The following DYNC2I1 variants were observed in gnomAD, a reference collection of about 807,000 sequenced individuals.
The protein encoded by DYNC2I1 is dynein 2 intermediate chain 1.
DYNC2I1 carries 89 observed loss-of-function variants against 133.4 expected under a neutral mutation model. The ratio of observed to expected loss-of-function variants is 0.67; its 90% CI spans 0.56 to 0.80. The LOEUF is 0.80. Among genes scored for constraint, DYNC2I1 ranks in the 30% least tolerant of loss-of-function variants. The pLI is 0.00. For missense variants in DYNC2I1, 1,291 were observed against 1,314.5 expected (o/e 0.98, Z 0.28); for synonymous variants, 504 against 484.3 (o/e 1.04, Z -0.54).
In DYNC2I1 at chr7:158,884,555, G is replaced by C. The variant is rs1844406872; in HGVS notation, c.880-9G>C. 6.2e-7 allele frequency: 1 copy of C among 1,608,756 alleles called. No homozygotes were observed. The highest frequency in any genetic ancestry group is 8.5e-7 in the Non-Finnish European group (1 of 1,177,606). On this transcript the variant is annotated splice_polypyrimidine_tract_variant and intron_variant, in intron 5 of 24. Transcript: ENST00000407559. ...TAAATGGTTATGGGATTATATTTTT[G>C]TTTGATAGAATGGTGAACACAGAAA...
chr7:158,941,808 G>A (rs1314213910), intron 23 of DYNC2I1, 117 bp from the exon 24 acceptor site: 2 of 1,219,908 alleles, frequency 1.6e-6, no homozygotes, highest in African/African-American at 1.5e-5. Context: ...AGCCCGGGAG[G>A]TCAAGCTGCC....
chr7:158,936,189 TCAAAA>T (rs1850729064), intron 23 of DYNC2I1, among the ~76,000 whole-genome samples: 1 of 152,174 alleles, frequency 6.6e-6, no homozygotes, highest in Non-Finnish European at 1.5e-5. Flanking sequence ...AAACTCCGTC[TCAAAA>T]CAAAAACAAA....
At chr7:158,854,414 C>T (rs1201213071), upstream of DYNC2I1, among the ~76,000 whole-genome samples, 1 of 151,320 alleles carries the variant, frequency 6.6e-6, no homozygotes, top group African/African-American at 2.4e-5. Context: ...GAAAACCAAA[C>T]ACCGCATGTT....
rs1585049984 is a variant in DYNC2I1 at position 158,890,421 on chromosome 7, G to A, written c.991-844G>A. Reference sequence around the variant, plus strand: ...CTTGTTTTGGCTCTGATTAGATCCTGATTTTACAGCAGCAACACTGAATTT... The same window carrying A: ...CTTGTTTTGGCTCTGATTAGATCCTAATTTTACAGCAGCAACACTGAATTT... On this transcript the variant is annotated intron_variant, in intron 7 of 24. Transcript: ENST00000407559. 2.0e-5 allele frequency among the ~76,000 whole-genome samples: 3 copies of A among 151,974 alleles called. No homozygotes were observed. The South Asian group carries it at 6.2e-4, about 31-fold the overall frequency.
chr7:158,845,597 C>T, the DYNC2I1 span, among the ~76,000 whole-genome samples: 2 of 152,148 alleles, frequency 1.3e-5, no homozygotes, highest in Non-Finnish European at 2.9e-5. Context: ...TTAATGAAAA[C>T]AGCTAAATCT....
chr7:158,879,766 G>A lies in DYNC2I1; in HGVS notation c.656G>A (p.Arg219Lys). 2 of 1,611,098 alleles carry A rather than the reference G, an allele frequency of 1.2e-6. No homozygotes were observed. Among genetic ancestry groups the A allele is most frequent in the South Asian group, 2.2e-5 (2 of 90,960 alleles). The change falls in exon 5 of 25, where the codon AGA becomes AAA. Residue 219 changes from arginine to lysine, a missense_variant. Arg to Lys is a conservative substitution (Grantham distance 26). Coordinates refer to ENST00000407559, the MANE Select transcript of DYNC2I1 (RefSeq NM_018051.5). ...EEGERRHRKP[R>K]EPDRDNKHRE... Reference sequence around the variant, plus strand: ...GGCGAGAGGAGACACAGGAAGCCCAGAGAGCCAGATCGAGACAACAAACAC... The same window carrying A: ...GGCGAGAGGAGACACAGGAAGCCCAAAGAGCCAGATCGAGACAACAAACAC...
intron 8 of DYNC2I1, among the ~76,000 whole-genome samples, chr7:158,894,132 A>ATACCGCATATCCTGCCGCATATCC (rs1845536664): frequency 6.6e-6 from 1 of 150,954 alleles, no homozygotes; most frequent in Non-Finnish European, 1.5e-5. Flanking sequence ...ACCGCATATC[A>ATACCGCATATCCTGCCGCATATCC]TACCGCATAT....
rs765181888 is a variant in DYNC2I1 at position 158,902,441 on chromosome 7, A to C, written c.1203A>C (p.Ser401=). ...ATGAAAGCAGTAATGAACCTGAGTC[A>C]AGAGAAAAACTGGAAGAACTTCCTC... ...DDDESSNEPE[S]REKLEELPLA... Residue 401 remains serine, a synonymous_variant, in exon 10 of 25, where the codon TCA becomes TCC. Coordinates refer to ENST00000407559, the MANE Select transcript of DYNC2I1 (RefSeq NM_018051.5). The C allele has an allele frequency of 7.4e-6, 12 of 1,613,834 alleles. No homozygotes were observed. Among genetic ancestry groups the C allele is most frequent in the Non-Finnish European group, 9.3e-6 (11 of 1,179,900 alleles).
At chr7:158,881,991 A>C (rs1043968128) in intron 5 of DYNC2I1, among the ~76,000 whole-genome samples, 1 of 152,232 alleles carries the variant, frequency 6.6e-6, no homozygotes, top group African/African-American at 2.4e-5. Context: ...TTCCACCCAG[A>C]AATGCCTTTC....
rs145524856 is a variant in DYNC2I1, at chr7:158,918,856, A to C, written c.1908A>C (p.Leu636=). The C allele has an allele frequency of 6.2e-7, 1 of 1,612,968 alleles. No individual in the cohort carries two copies. Among genetic ancestry groups the C allele is most frequent in the East Asian group, 2.2e-5 (1 of 44,856 alleles). ...SDSSSQLNTS[L]PFLQNRKVSS... ...GCTCATCTCAGCTGAACACCAGTCT[A>C]CCATTCCTTCAAAGTAAGAGGCTGT... Residue 636 remains leucine, a synonymous_variant, in exon 15 of 25, where the codon CTA becomes CTC. Transcript: ENST00000407559.
At chr7:158,886,171 G>T (rs369198085) in intron 6 of DYNC2I1, among the ~76,000 whole-genome samples, 1 of 151,524 alleles carries the variant, frequency 6.6e-6, no homozygotes, top group Non-Finnish European at 1.5e-5. Context: ...TTGCTCTGTC[G>T]CCAGGCTGAA....
At chr7:158,856,216 G>A (rs1398116220), upstream of DYNC2I1, among the ~76,000 whole-genome samples, 1 of 152,070 alleles carries the variant, frequency 6.6e-6, no homozygotes, top group African/African-American at 2.4e-5. Flanking sequence ...AAAGTGCTGG[G>A]ATTACAGGGG....
downstream of DYNC2I1, among the ~76,000 whole-genome samples, chr7:158,949,052 C>T (rs1382613618): frequency 1.3e-5 from 2 of 152,110 alleles, no homozygotes; most frequent in Admixed American, 1.3e-4. Context: ...AGCCTCTGCG[C>T]CCTGAGGTCC....
intron 3 of DYNC2I1, among the ~76,000 whole-genome samples, chr7:158,876,128 G>A (rs1843333727): frequency 6.6e-6 from 1 of 152,184 alleles, no homozygotes; most frequent in Admixed American, 6.5e-5. Context: ...TGGCTGGAGA[G>A]GCCTCAGGAG....
At chr7:158,878,142 TG>T (rs1476828772) in intron 4 of DYNC2I1, among the ~76,000 whole-genome samples, 1 of 89,770 alleles carries the variant, frequency 1.1e-5, no homozygotes, top group Non-Finnish European at 2.2e-5. Flanking sequence ...CCAGGAGGGC[TG>T]ACTGTGAGTG....
chr7:158,930,425 G>A, intron 20 of DYNC2I1, 30 bp from the exon 21 acceptor site: 2 of 1,593,632 alleles, frequency 1.3e-6, no homozygotes, highest in African/African-American at 1.3e-5. Flanking sequence ...CTATTGAAAG[G>A]TGCATTGATT....
intron 15 of DYNC2I1, among the ~76,000 whole-genome samples, chr7:158,922,079 C>T (rs1849155983): frequency 1.3e-5 from 2 of 152,178 alleles, no homozygotes; most frequent in Non-Finnish European, 2.9e-5. Context: ...GCTCTGAGAT[C>T]CCGACTCCCG....
At chr7:158,952,223 A>G (rs1205186452) in intron 4 of DYNC2I1, among the ~76,000 whole-genome samples, 1 of 152,158 alleles carries the variant, frequency 6.6e-6, no homozygotes, top group Non-Finnish European at 1.5e-5. Flanking sequence ...GGGGGATGGG[A>G]ATCCTCAAAG....
intron 6 of DYNC2I1, among the ~76,000 whole-genome samples, chr7:158,885,972 A>G (rs901304944): frequency 2.7e-5 from 4 of 150,914 alleles, no homozygotes; most frequent in Admixed American, 2.6e-4. Flanking sequence ...TGATTAAAAT[A>G]TAAAACATTT....
Sources: gnomAD v4.1 joint callset for allele counts (sites outside exome capture counted in the v4.1 genomes callset) on GRCh38, gnomAD v4.1.1 for gene constraint, MANE v1.5 for transcripts, NCBI Gene and HGNC (gene_info 2026-07-23, HGNC 2026-07-21) for gene names.